Variants in KCNIP1 observed in about 807,000 individuals in gnomAD.
The protein encoded by KCNIP1 is A-type potassium channel modulatory protein KCNIP1.
KCNIP1 carries 18 observed loss-of-function variants against 33.0 expected under a neutral mutation model. That is an observed-to-expected ratio of 0.55 (90% CI 0.38 to 0.81). KCNIP1 has a LOEUF of 0.81. Among genes scored for constraint, KCNIP1 ranks in the 30% least tolerant of loss-of-function variants. KCNIP1 has a pLI of 0.00. For synonymous variants in KCNIP1, 93 were observed against 98.3 expected (o/e 0.95, Z 0.32); for missense variants, 238 against 271.6 (o/e 0.88, Z 0.87).
chr5:170,384,431 G>T (rs960077220), intron 1 of KCNIP1, among the ~76,000 whole-genome samples: 1 of 152,178 alleles, frequency 6.6e-6, no homozygotes, highest in Non-Finnish European at 1.5e-5. Flanking sequence ...AAAGATGGTG[G>T]GGACAGTCTC....
intron 1 of KCNIP1, among the ~76,000 whole-genome samples, chr5:170,714,145 G>A (rs148293348): frequency 7.2e-5 from 11 of 152,296 alleles, no homozygotes; most frequent in African/African-American, 1.4e-4. Flanking sequence ...CCTGACAGAG[G>A]GGTCACCTCA....
At chr5:170,398,231 A>G (rs2113379055) in intron 1 of KCNIP1, among the ~76,000 whole-genome samples, 2 of 152,326 alleles carry the variant, frequency 1.3e-5, no homozygotes, top group South Asian at 4.1e-4. Context: ...GAAGGGATCC[A>G]TTCAGATGGT....
chr5:170,429,075 A>T (rs182723403), intron 1 of KCNIP1, among the ~76,000 whole-genome samples: 1 of 152,212 alleles, frequency 6.6e-6, no homozygotes, highest in Admixed American at 6.5e-5. Context: ...TGGGCAACAG[A>T]CTGAGACTCT....
At chr5:170,570,948 A>T in intron 1 of KCNIP1, among the ~76,000 whole-genome samples, 1 of 152,244 alleles carries the variant, frequency 6.6e-6, no homozygotes, top group Non-Finnish European at 1.5e-5. Context: ...ATCCTGATTT[A>T]TAAGTGAGGA....
chr5:170,537,050 A>G (rs995945356), intron 1 of KCNIP1, among the ~76,000 whole-genome samples: 1 of 151,956 alleles, frequency 6.6e-6, no homozygotes, highest in African/African-American at 2.4e-5. Flanking sequence ...AGCACGACCA[A>G]CTCTCCCGGG....
chr5:170,526,063 G>A (rs996691537), intron 1 of KCNIP1, among the ~76,000 whole-genome samples: 3 of 152,146 alleles, frequency 2.0e-5, no homozygotes, highest in African/African-American at 4.8e-5. Context: ...GCCTCACATC[G>A]CTGGACCCCA....
At chr5:170,359,880 C>T (rs1763455977) in intron 1 of KCNIP1, among the ~76,000 whole-genome samples, 1 of 152,228 alleles carries the variant, frequency 6.6e-6, no homozygotes, top group Admixed American at 6.5e-5. Context: ...CCTCTGGAGC[C>T]TCCGGGTCTT....
intron 1 of KCNIP1, among the ~76,000 whole-genome samples, chr5:170,411,724 T>C (rs1581167115): frequency 1.3e-5 from 2 of 152,330 alleles, no homozygotes; most frequent in South Asian, 2.1e-4. Flanking sequence ...AGACACTTAA[T>C]ATAAGATGTA....
At chr5:170,537,332 A>C (rs1029097239) in intron 1 of KCNIP1, among the ~76,000 whole-genome samples, 1 of 152,196 alleles carries the variant, frequency 6.6e-6, no homozygotes, top group African/African-American at 2.4e-5. Context: ...ATAGCATTCA[A>C]CTCAGGGTAT....
intron 1 of KCNIP1, among the ~76,000 whole-genome samples, chr5:170,440,899 C>T (rs1429996743): frequency 1.3e-5 from 2 of 152,170 alleles, no homozygotes; most frequent in Admixed American, 1.3e-4. Context: ...ACCCAGGAGT[C>T]AGGCTGGGCT....
At chr5:170,628,130 A>G (rs1039810621) in intron 1 of KCNIP1, among the ~76,000 whole-genome samples, 13 of 152,164 alleles carry the variant, frequency 8.5e-5, no homozygotes, top group Admixed American at 4.6e-4. Context: ...GAATGCAGCC[A>G]AAGAGGTCTT....
intron 1 of KCNIP1, among the ~76,000 whole-genome samples, chr5:170,588,083 T>C (rs143875980): frequency 1.9e-3 from 295 of 152,358 alleles, no homozygotes; most frequent in African/African-American, 6.6e-3. Context: ...AGAGGTCAGA[T>C]CTGCTGGAGA....
intron 1 of KCNIP1, among the ~76,000 whole-genome samples, chr5:170,372,452 C>A (rs560297860): frequency 2.3e-3 from 347 of 152,250 alleles, no homozygotes; most frequent in South Asian, 7.5e-3. Context: ...CAACCTCCAG[C>A]CCCTCTTCCC....
chr5:170,588,553 A>T (rs916291941), intron 1 of KCNIP1, among the ~76,000 whole-genome samples: 7 of 152,196 alleles, frequency 4.6e-5, no homozygotes, highest in Non-Finnish European at 1.0e-4. Context: ...AAGGGTTGGA[A>T]TCAGGAGAAA....
At chr5:170,565,170 T>A (rs975944558) in intron 1 of KCNIP1, among the ~76,000 whole-genome samples, 8 of 152,110 alleles carry the variant, frequency 5.3e-5, no homozygotes, top group Non-Finnish European at 8.8e-5. Context: ...CCCTTCTGAT[T>A]CCCACAGAGA....
chr5:170,460,782 C>T (rs988675868), intron 1 of KCNIP1, among the ~76,000 whole-genome samples: 2 of 152,102 alleles, frequency 1.3e-5, no homozygotes, highest in Non-Finnish European at 2.9e-5. Flanking sequence ...TCTTCTTCAA[C>T]CTAGTAATGG....
intron 1 of KCNIP1, among the ~76,000 whole-genome samples, chr5:170,491,970 G>A (rs1041839026): frequency 1.3e-5 from 2 of 152,172 alleles, no homozygotes; most frequent in Admixed American, 6.5e-5. Context: ...CTCTTTCTGA[G>A]TTTTCATAAT....
At chr5:170,503,856 T>G (rs977595091), upstream of KCNIP1, among the ~76,000 whole-genome samples, 3 of 151,928 alleles carry the variant, frequency 2.0e-5, no homozygotes, top group Non-Finnish European at 2.9e-5. Flanking sequence ...CTCTTAGGGT[T>G]ACATGCTCCC....
chr5:170,624,809 T>TCTCCTTTCCTTCCTCACC (rs1335954740), intron 1 of KCNIP1, among the ~76,000 whole-genome samples: 1 of 151,064 alleles, frequency 6.6e-6, no homozygotes, highest in Non-Finnish European at 1.5e-5. Context: ...GCTTCCTCAC[T>TCTCCTTTCCTTCCTCACC]CTCCTTTCCT....
Sources: gnomAD v4.1 joint callset for allele counts (sites outside exome capture counted in the v4.1 genomes callset) on GRCh38, gnomAD v4.1.1 for gene constraint, MANE v1.5 for transcripts, NCBI Gene and HGNC (gene_info 2026-07-23, HGNC 2026-07-21) for gene names.